ZNF521: variants seen among roughly 807,000 people sequenced by gnomAD.
ZNF521 encodes the protein zinc finger protein 521, also known as LYST-interacting protein 3.
ZNF521 carries 14 observed loss-of-function variants against 105.5 expected under a neutral mutation model. The observed-to-expected ratio is 0.13, with a 90% CI of 0.09 to 0.21. The LOEUF is 0.21. ZNF521 is among the 10% of genes least tolerant of loss of function. The pLI, the probability that ZNF521 is intolerant of heterozygous loss-of-function variation, is 1.00. For synonymous variants in ZNF521, 635 were observed against 606.0 expected, an observed-to-expected ratio of 1.05 and a Z score of -0.70; for missense variants, 1,233 against 1,629.7, an observed-to-expected ratio of 0.76 and a Z score of 4.19.
At chr18:25,345,440 T>C (rs560641911) in intron 2 of ZNF521, 1 of 152,332 alleles carries the variant, frequency 6.6e-6, no homozygotes, top group Non-Finnish European at 1.5e-5. Flanking sequence ...TTTTTACATG[T>C]ATGCTTTTAT....
chr18:25,095,916 G>A (rs2033842442), intron 5 of ZNF521, among the ~76,000 whole-genome samples: 1 of 152,140 alleles, frequency 6.6e-6, no homozygotes, highest in East Asian at 1.9e-4. Flanking sequence ...TGGATACTGA[G>A]GGAGGTATAT....
intron 3 of ZNF521, among the ~76,000 whole-genome samples, chr18:25,285,310 C>T (rs1467924171): frequency 6.6e-6 from 1 of 152,174 alleles, no homozygotes; most frequent in East Asian, 1.9e-4. Context: ...GTTCAAATTT[C>T]TGAAATGTAG....
intron 5 of ZNF521, among the ~76,000 whole-genome samples, chr18:25,112,464 T>C (rs2034211020): frequency 6.6e-6 from 1 of 152,326 alleles, no homozygotes. Flanking sequence ...CCAGAAGCAC[T>C]GACATTTTTA....
intron 3 of ZNF521, among the ~76,000 whole-genome samples, chr18:25,298,725 C>T (rs572001029): frequency 1.8e-4 from 27 of 151,972 alleles, no homozygotes; most frequent in South Asian, 1.0e-3. Context: ...TGATGAAAGG[C>T]TAGTATTAGA....
chr18:25,132,565 G>A (rs1356001151), intron 5 of ZNF521, among the ~76,000 whole-genome samples: 1 of 152,116 alleles, frequency 6.6e-6, no homozygotes, highest in Admixed American at 6.6e-5. Flanking sequence ...TGCTGGCTGT[G>A]CTTTACATTC....
chr18:25,295,939 G>A (rs913320045), intron 3 of ZNF521, among the ~76,000 whole-genome samples: 4 of 152,160 alleles, frequency 2.6e-5, no homozygotes, highest in Non-Finnish European at 4.4e-5. Flanking sequence ...ACTCCACATC[G>A]TGGCAACACT....
intron 2 of ZNF521, among the ~76,000 whole-genome samples, chr18:25,335,758 A>C (rs1037861665): frequency 6.6e-6 from 1 of 152,220 alleles, no homozygotes; most frequent in Admixed American, 6.5e-5. Context: ...GTATAGAAAG[A>C]CAACTTTATG....
At chr18:25,117,254 G>A (rs541789433) in intron 5 of ZNF521, among the ~76,000 whole-genome samples, 73 of 151,764 alleles carry the variant, frequency 4.8e-4, no homozygotes, top group Non-Finnish European at 8.8e-4. Context: ...AATAGAGAGA[G>A]TGCTGACATT....
At chr18:25,351,921 C>A in intron 1 of ZNF521, 84 bp downstream of exon 1, 1 of 281,622 alleles carries the variant, frequency 3.6e-6, no homozygotes, top group Non-Finnish European at 7.2e-6. Context: ...GCAGCGGCGG[C>A]GAGAGCAGGA....
intron 7 of ZNF521, among the ~76,000 whole-genome samples, chr18:25,067,409 A>G (rs1012313373): frequency 2.0e-5 from 3 of 152,164 alleles, no homozygotes; most frequent in African/African-American, 7.2e-5. Context: ...TTCTAGCACT[A>G]TGTATTTCTT....
At chr18:25,105,438 C>G (rs1195862718) in intron 5 of ZNF521, among the ~76,000 whole-genome samples, 1 of 152,108 alleles carries the variant, frequency 6.6e-6, no homozygotes, top group Non-Finnish European at 1.5e-5. Flanking sequence ...ACAAGTCAAA[C>G]TCATGGGCAT....
chr18:25,155,064 G>A (rs1049263463), intron 5 of ZNF521, among the ~76,000 whole-genome samples: 7 of 152,100 alleles, frequency 4.6e-5, no homozygotes, highest in African/African-American at 7.2e-5. Context: ...ATATCTTGTC[G>A]TTTAGTAATT....
chr18:25,209,272 C>T (rs989210048), intron 4 of ZNF521, among the ~76,000 whole-genome samples: 7 of 152,062 alleles, frequency 4.6e-5, no homozygotes, highest in African/African-American at 1.7e-4. Context: ...GCTGGGACTA[C>T]AGGCGCGCGC....
At chr18:25,069,919 TGACA>T (rs560931373) in intron 7 of ZNF521, among the ~76,000 whole-genome samples, 211 of 152,362 alleles carry the variant, frequency 1.4e-3, no homozygotes, top group African/African-American at 4.8e-3. Flanking sequence ...ATGTTTGCAC[TGACA>T]GAATTTCCCT....
chr18:25,099,503 C>CAGA (rs1200336127), intron 5 of ZNF521, among the ~76,000 whole-genome samples: 1 of 152,010 alleles, frequency 6.6e-6, no homozygotes, highest in East Asian at 1.9e-4. Flanking sequence ...CCCTTATTTC[C>CAGA]AGAAGAAAAA....
chr18:25,208,225 TTTAA>T (rs2036116785), intron 4 of ZNF521, among the ~76,000 whole-genome samples: 1 of 152,192 alleles, frequency 6.6e-6, no homozygotes, highest in African/African-American at 2.4e-5. Context: ...TTTTTATAGG[TTTAA>T]TTCTTTACTG....
chr18:25,253,778 G>T (rs926581484), intron 3 of ZNF521, among the ~76,000 whole-genome samples: 2 of 152,088 alleles, frequency 1.3e-5, no homozygotes, highest in Admixed American at 6.6e-5. Context: ...GAGAAATACA[G>T]ATATAAATTG....
chr18:25,260,860 A>T (rs1328140138), intron 3 of ZNF521, among the ~76,000 whole-genome samples: 1 of 152,184 alleles, frequency 6.6e-6, no homozygotes, highest in Non-Finnish European at 1.5e-5. Context: ...GGAACACAAG[A>T]AGGAAAATAT....
At chr18:25,240,109 CT>C (rs1907205498) in intron 3 of ZNF521, among the ~76,000 whole-genome samples, 1 of 152,128 alleles carries the variant, frequency 6.6e-6, no homozygotes, top group Non-Finnish European at 1.5e-5. Context: ...CAGTTAACCT[CT>C]TCTGCACTCC....
Sources: gnomAD v4.1 joint callset for allele counts (sites outside exome capture counted in the v4.1 genomes callset) on GRCh38, gnomAD v4.1.1 for gene constraint, MANE v1.5 for transcripts, NCBI Gene and HGNC (gene_info 2026-07-23, HGNC 2026-07-21) for gene names.